The following PDE11A variants were observed in gnomAD, a reference collection of about 807,000 sequenced individuals.
The protein encoded by PDE11A is phosphodiesterase 11A.
PDE11A carries 100 observed loss-of-function variants against 100.5 expected under a neutral mutation model. The ratio of observed to expected loss-of-function variants is 1.00; its 90% confidence interval spans 0.85 to 1.18. The LOEUF is 1.18. Ranked by LOEUF, PDE11A falls within the 50% of genes most tolerant of loss-of-function variation. The probability of loss-of-function intolerance (pLI) is 0.00; values close to 1 mark genes in which losing one functional copy is unlikely to be tolerated. For missense variants in PDE11A, 1,141 were observed against 1,152.6 expected (o/e 0.99, Z 0.15); for synonymous variants, 381 against 420.8 (o/e 0.91, Z 1.16).
chr2:177,774,049 T>A (rs1191844571), intron 9 of PDE11A, among the ~76,000 whole-genome samples: 2 of 152,192 alleles, frequency 1.3e-5, no homozygotes, highest in Non-Finnish European at 2.9e-5. Context: ...TTACCCTCAG[T>A]GTTTGCAGGT....
chr2:177,836,739 A>G (rs2105615871), intron 6 of PDE11A, among the ~76,000 whole-genome samples: 1 of 152,338 alleles, frequency 6.6e-6, no homozygotes, highest in South Asian at 2.1e-4. Flanking sequence ...CAGTGAGACC[A>G]CGAACTCACC....
Position 177,680,882 on chromosome 2 carries a change from T to C in PDE11A, c.2367A>G (p.Glu789=). 1.9e-6 allele frequency: 3 copies of C among 1,584,450 alleles called. No homozygotes were observed. Among genetic ancestry groups the C allele is most frequent in the Non-Finnish European group, 1.7e-6 (2 of 1,154,240 alleles). The change falls in exon 16 of 20, where the codon GAA becomes GAG. Residue 789 remains glutamate, a synonymous_variant. Transcript: ENST00000286063. Reference sequence around the variant, plus strand: ...AATCGTATTCTCCTTTACTGACAAGTTCAAAGAATTCAGTTCTCCTCCTGC... The same window carrying C: ...AATCGTATTCTCCTTTACTGACAAGCTCAAAGAATTCAGTTCTCCTCCTGC... The part of the protein sequence containing the change: ...LYFERRTEFF[E]LVSKGEYDWN...
At chr2:177,762,598 T>C (rs929310804) in intron 10 of PDE11A, among the ~76,000 whole-genome samples, 3 of 152,126 alleles carry the variant, frequency 2.0e-5, no homozygotes, top group Non-Finnish European at 4.4e-5. Flanking sequence ...CTCCTTTGTT[T>C]CACTGCCTCA....
intron 2 of PDE11A, among the ~76,000 whole-genome samples, chr2:177,906,432 T>G (rs182472491): frequency 6.6e-6 from 1 of 152,166 alleles, no homozygotes; most frequent in Non-Finnish European, 1.5e-5. Context: ...GCAATTCACA[T>G]TCCCTATCGC....
At chr2:177,746,208 C>T (rs1381068581) in intron 10 of PDE11A, among the ~76,000 whole-genome samples, 2 of 152,004 alleles carry the variant, frequency 1.3e-5, no homozygotes, top group Non-Finnish European at 2.9e-5. Flanking sequence ...AAAAAAAATT[C>T]GTAGGTAAAT....
chr2:177,847,070 C>G (rs1240189939), intron 5 of PDE11A, among the ~76,000 whole-genome samples: 1 of 152,154 alleles, frequency 6.6e-6, no homozygotes, highest in African/African-American at 2.4e-5. Flanking sequence ...CCACCTGTCT[C>G]CAATTCCTTA....
chr2:178,107,721 CTTT>C (rs1159976078), intron 1 of PDE11A, among the ~76,000 whole-genome samples: 42 of 123,050 alleles, frequency 3.4e-4, no homozygotes, highest in African/African-American at 1.2e-3. Context: ...CTTTTTTTTT[CTTT>C]TTTTTTTTTT....
Position 177,701,143 on chromosome 2 carries a change from G to A in PDE11A, c.2222C>T (p.Ala741Val), listed in dbSNP as rs1180128048. 6 of 1,600,092 alleles carry A rather than the reference G, an allele frequency of 3.7e-6. No homozygotes were observed. In the African/African-American group the frequency reaches 6.7e-5, roughly 18 times the overall value. ...ATLEHHHFNH[A>V]VMILQSEGHN... ...TACCTCACTTTGAAGGATCATCACG[G>A]CGTGGTTGAAATGGTGATGCTCCAA... is the stretch of plus-strand genomic sequence containing the variant. Residue 741 changes from alanine to valine, a missense_variant, in exon 14 of 20, where the codon GCC becomes GTC. By Grantham distance (64) the Ala-to-Val change is moderately conservative. Transcript: ENST00000286063.
chr2:178,100,750 T>C (rs1020605928), intron 2 of PDE11A, among the ~76,000 whole-genome samples: 4 of 152,120 alleles, frequency 2.6e-5, no homozygotes, highest in African/African-American at 9.7e-5. Context: ...CTTTCAACCA[T>C]TGGCAACAAT....
intron 10 of PDE11A, among the ~76,000 whole-genome samples, chr2:177,737,833 T>A (rs1460964606): frequency 6.6e-6 from 1 of 152,236 alleles, no homozygotes; most frequent in Non-Finnish European, 1.5e-5. Context: ...TCTGTCTTGT[T>A]TACTGTTGTG....
chr2:177,661,280 C>T (rs988014663), intron 19 of PDE11A, among the ~76,000 whole-genome samples: 1 of 152,210 alleles, frequency 6.6e-6, no homozygotes, highest in Non-Finnish European at 1.5e-5. Flanking sequence ...CTGCCACCTG[C>T]ACACTTCCCA....
At chr2:178,085,233 C>A (rs533951689) in intron 2 of PDE11A, among the ~76,000 whole-genome samples, 1 of 151,990 alleles carries the variant, frequency 6.6e-6, no homozygotes, top group African/African-American at 2.4e-5. Context: ...ATATTCAATA[C>A]CTGACAGAGA....
chr2:177,873,190 C>A (rs2084170560), intron 5 of PDE11A, among the ~76,000 whole-genome samples: 1 of 152,044 alleles, frequency 6.6e-6, no homozygotes, highest in African/African-American at 2.4e-5. Flanking sequence ...ACATGTTCAG[C>A]AGTATAAAAA....
chr2:177,685,155 G>A (rs1159768056), intron 15 of PDE11A, among the ~76,000 whole-genome samples: 1 of 152,178 alleles, frequency 6.6e-6, no homozygotes, highest in Non-Finnish European at 1.5e-5. Context: ...ATAAATATTT[G>A]TTGATGAATG....
intron 2 of PDE11A, among the ~76,000 whole-genome samples, chr2:177,938,586 A>G (rs553253296): frequency 6.6e-6 from 1 of 152,278 alleles, no homozygotes; most frequent in Non-Finnish European, 1.5e-5. Context: ...GGCAAGGAAA[A>G]TAAGACCACC....
chr2:177,786,109 C>G (rs1388363961), intron 9 of PDE11A, among the ~76,000 whole-genome samples: 1 of 152,194 alleles, frequency 6.6e-6, no homozygotes, highest in African/African-American at 2.4e-5. Context: ...GACCCCTGAC[C>G]CCTGAGCAGC....
intron 3 of PDE11A, among the ~76,000 whole-genome samples, chr2:177,898,978 CT>C (rs1227520763): frequency 6.6e-6 from 1 of 152,158 alleles, no homozygotes; most frequent in Admixed American, 6.5e-5. Flanking sequence ...CCATTCCCAG[CT>C]TTTCACTTGA....
At chr2:177,996,176 G>A (rs1362297712) in intron 2 of PDE11A, among the ~76,000 whole-genome samples, 5 of 151,616 alleles carry the variant, frequency 3.3e-5, no homozygotes, top group African/African-American at 9.7e-5. Context: ...GCAGTGAGCC[G>A]AGATCTCGCT....
intron 5 of PDE11A, among the ~76,000 whole-genome samples, chr2:177,867,860 T>A (rs1378832366): frequency 6.6e-6 from 1 of 152,238 alleles, no homozygotes; most frequent in Admixed American, 6.5e-5. Context: ...CCTGACTGTA[T>A]CATTGCTGCT....
Sources: allele counts gnomAD v4.1 joint callset (sites outside exome capture counted in the v4.1 genomes callset), GRCh38; gene constraint gnomAD v4.1.1; transcripts MANE v1.5; gene names NCBI Gene and HGNC (gene_info 2026-07-23, HGNC 2026-07-21).